ATP10B: variants seen among roughly 807,000 people sequenced by gnomAD.
ATP10B encodes the protein phospholipid-transporting ATPase VB.
ATP10B carries 122 observed loss-of-function variants against 141.2 expected under a neutral mutation model. The ratio of observed to expected loss-of-function variants is 0.86; its 90% CI spans 0.75 to 1.00. The LOEUF (loss-of-function observed/expected upper bound fraction) is 1.00. Ranked by LOEUF, ATP10B falls within the 50% of genes least tolerant of loss-of-function variation. ATP10B has a pLI of 0.00. For synonymous variants in ATP10B, 685 were observed against 692.0 expected (o/e 0.99, Z 0.16); for missense variants, 1,876 against 1,825.3 (o/e 1.03, Z -0.51).
chr5:160,898,384 A>T, the ATP10B span, among the ~76,000 whole-genome samples: 1 of 152,212 alleles, frequency 6.6e-6, no homozygotes, highest in Admixed American at 6.5e-5. Flanking sequence ...GTCAACAAAC[A>T]TATGAAAAAA....
intron 1 of ATP10B, among the ~76,000 whole-genome samples, chr5:160,847,023 T>A (rs1489311839): frequency 6.6e-6 from 1 of 152,186 alleles, no homozygotes; most frequent in East Asian, 1.9e-4. Context: ...CTTCCAATAT[T>A]ACCTCTTCGA....
chr5:160,602,117 A>AT (rs1474015472), intron 21 of ATP10B, among the ~76,000 whole-genome samples: 1 of 152,228 alleles, frequency 6.6e-6, no homozygotes, highest in Non-Finnish European at 1.5e-5. Flanking sequence ...AGCAACAATA[A>AT]TAAAAAAAAG....
At chr5:160,736,150 G>A (rs1357306115) in intron 2 of ATP10B, among the ~76,000 whole-genome samples, 1 of 151,950 alleles carries the variant, frequency 6.6e-6, no homozygotes, top group Non-Finnish European at 1.5e-5. Flanking sequence ...AAATAAATGA[G>A]TTAGAAAGAA....
At chr5:160,919,030 C>T in the ATP10B span, among the ~76,000 whole-genome samples, 2 of 150,462 alleles carry the variant, frequency 1.3e-5, no homozygotes, top group Non-Finnish European at 3.0e-5. Context: ...TCAAGACCAT[C>T]CTGGCTAACA....
intron 1 of ATP10B, among the ~76,000 whole-genome samples, chr5:160,808,275 C>T (rs1307075127): frequency 1.3e-5 from 2 of 152,072 alleles, no homozygotes; most frequent in African/African-American, 2.4e-5. Flanking sequence ...ATTGGGGCTT[C>T]GAAACTTTCT....
intron 2 of ATP10B, among the ~76,000 whole-genome samples, chr5:160,765,842 C>A (rs1410732463): frequency 6.6e-6 from 1 of 151,734 alleles, no homozygotes; most frequent in Non-Finnish European, 1.5e-5. Flanking sequence ...TACAAGAAAT[C>A]TGAACAAATC....
intron 3 of ATP10B, among the ~76,000 whole-genome samples, chr5:160,704,163 C>G (rs1206466021): frequency 1.3e-5 from 2 of 152,088 alleles, no homozygotes; most frequent in Non-Finnish European, 2.9e-5. Context: ...GCGATCCTCT[C>G]GCCTCAGCCT....
At chr5:160,757,861 C>T (rs533924947) in intron 2 of ATP10B, among the ~76,000 whole-genome samples, 62 of 152,266 alleles carry the variant, frequency 4.1e-4, no homozygotes, top group African/African-American at 1.5e-3. Context: ...TTGCAGGGAA[C>T]TGTCCTGTGC....
At chr5:160,767,119 T>TA (rs1243646815) in intron 2 of ATP10B, among the ~76,000 whole-genome samples, 20 of 152,028 alleles carry the variant, frequency 1.3e-4, no homozygotes, top group Admixed American at 9.2e-4. Flanking sequence ...CTGATGAGCT[T>TA]AAAAAAAAGT....
At chr5:160,868,805 T>A in the ATP10B span, among the ~76,000 whole-genome samples, 1 of 152,138 alleles carries the variant, frequency 6.6e-6, no homozygotes, top group Non-Finnish European at 1.5e-5. Context: ...TCATTATACT[T>A]ATGCAGATTA....
At chr5:160,752,858 G>A (rs569677009) in intron 2 of ATP10B, among the ~76,000 whole-genome samples, 62 of 152,226 alleles carry the variant, frequency 4.1e-4, no homozygotes, top group African/African-American at 1.4e-3. Context: ...GAAATACTTC[G>A]GGGACAGCTG....
the ATP10B span, among the ~76,000 whole-genome samples, chr5:160,902,209 A>G: frequency 3.9e-5 from 6 of 152,210 alleles, no homozygotes; most frequent in Admixed American, 3.9e-4. Context: ...TGTGACGTAA[A>G]ATTCTAGAAA....
intron 3 of ATP10B, among the ~76,000 whole-genome samples, chr5:160,708,038 TC>T (rs1386469909): frequency 2.6e-5 from 4 of 152,090 alleles, no homozygotes; most frequent in African/African-American, 7.2e-5. Context: ...TCATTAAACC[TC>T]AATTGTTGGC....
At chr5:160,785,322 A>C (rs1191020736) in intron 2 of ATP10B, among the ~76,000 whole-genome samples, 2 of 152,166 alleles carry the variant, frequency 1.3e-5, no homozygotes, top group African/African-American at 4.8e-5. Context: ...TCTGGGGAAT[A>C]TATACAATGG....
chr5:160,877,589 C>T, the ATP10B span, among the ~76,000 whole-genome samples: 10 of 150,690 alleles, frequency 6.6e-5, no homozygotes, highest in Non-Finnish European at 1.5e-4. Flanking sequence ...AAGAGGAAAT[C>T]AAATTGTCCC....
At chr5:160,918,364 AG>A in the ATP10B span, among the ~76,000 whole-genome samples, 4 of 152,232 alleles carry the variant, frequency 2.6e-5, no homozygotes, top group African/African-American at 9.6e-5. Context: ...GGACGTGGGC[AG>A]GGAAGGCTTC....
At chr5:160,819,271 A>C (rs1372900559) in intron 1 of ATP10B, among the ~76,000 whole-genome samples, 1 of 152,200 alleles carries the variant, frequency 6.6e-6, no homozygotes, top group Non-Finnish European at 1.5e-5. Flanking sequence ...AGAGCATAGC[A>C]TGACATACTT....
intron 10 of ATP10B, among the ~76,000 whole-genome samples, chr5:160,638,711 C>T (rs1009885688): frequency 3.3e-5 from 5 of 152,204 alleles, no homozygotes; most frequent in Non-Finnish European, 5.9e-5. Flanking sequence ...GCAATGGCTA[C>T]GATTTCTGAC....
intron 2 of ATP10B, among the ~76,000 whole-genome samples, chr5:160,778,544 C>T (rs1362150767): frequency 1.3e-5 from 2 of 152,194 alleles, no homozygotes; most frequent in African/African-American, 2.4e-5. Context: ...CATAAGCCCA[C>T]TTGATTGTCA....
Sources: allele counts gnomAD v4.1 joint callset (sites outside exome capture counted in the v4.1 genomes callset), GRCh38; gene constraint gnomAD v4.1.1; transcripts MANE v1.5; gene names NCBI Gene and HGNC (gene_info 2026-07-23, HGNC 2026-07-21).